The following HEMGN variants were observed in gnomAD, a reference collection of about 807,000 sequenced individuals.
The protein encoded by HEMGN is erythroid differentiation-associated gene protein.
In HEMGN, 32 loss-of-function variants were observed where a neutral mutation model predicts 45.7. That is an observed-to-expected ratio of 0.70 (90% confidence interval 0.53 to 0.94). The LOEUF is 0.94. Among genes scored for constraint, HEMGN ranks in the 40% least tolerant of loss-of-function variants. The pLI is 0.00. For missense variants in HEMGN, 530 were observed against 564.2 expected (o/e 0.94, Z 0.61); for synonymous variants, 183 against 178.6 (o/e 1.02, Z -0.20).
upstream of HEMGN, among the ~76,000 whole-genome samples, chr9:97,942,277 T>C (rs112484339): frequency 0.024 from 1,935 of 78,992 alleles, 34 homozygotes; most frequent in African/African-American, 0.06. Flanking sequence ...ATTCCTTCTT[T>C]TTTTTTTTTT....
At chr9:97,939,525 G>GTTTTTTT (rs1827120590), upstream of HEMGN, among the ~76,000 whole-genome samples, 1 of 152,128 alleles carries the variant, frequency 6.6e-6, no homozygotes, top group African/African-American at 2.4e-5. Context: ...TCTAGTCCCT[G>GTTTTTTT]CCTATTTTGT....
At chr9:97,938,417 C>T (rs145749380), upstream of HEMGN, 3 of 312,242 alleles carry the variant, frequency 9.6e-6, no homozygotes, top group Admixed American at 4.8e-5. Flanking sequence ...CTGACCACAG[C>T]CTGGCATGGC....
intron 2 of HEMGN, among the ~76,000 whole-genome samples, chr9:97,933,559 G>A (rs1564122178): frequency 6.6e-6 from 1 of 152,160 alleles, no homozygotes; most frequent in Non-Finnish European, 1.5e-5. Flanking sequence ...GGGTAGTGAA[G>A]TAATACACAC....
intron 1 of HEMGN, among the ~76,000 whole-genome samples, chr9:97,943,736 A>G (rs1223671383): frequency 4.6e-5 from 7 of 152,124 alleles, no homozygotes; most frequent in Admixed American, 3.3e-4. Context: ...CTAGTAATAT[A>G]TTCTCAGTGT....
At chr9:97,934,392 A>AGGAGAGGAG (rs1827015429) in intron 2 of HEMGN, among the ~76,000 whole-genome samples, 1 of 128,806 alleles carries the variant, frequency 7.8e-6, no homozygotes, top group African/African-American at 2.8e-5. Context: ...GAAAAAAGAA[A>AGGAGAGGAG]AGGAGAGGAG....
upstream of HEMGN, chr9:97,938,402 ACTCT>A (rs773336484): frequency 9.4e-6 from 3 of 319,296 alleles, no homozygotes; most frequent in Non-Finnish European, 1.7e-5. Flanking sequence ...ATACAGGGAA[ACTCT>A]CTGACCACAG....
intron 3 of HEMGN, among the ~76,000 whole-genome samples, chr9:97,929,335 C>A (rs1278248298): frequency 6.6e-6 from 1 of 152,194 alleles, no homozygotes; most frequent in Non-Finnish European, 1.5e-5. Flanking sequence ...AGCAAGTAAA[C>A]TACTAAAGGG....
chr9:97,943,520 T>TA (rs1827181130), intron 1 of HEMGN, among the ~76,000 whole-genome samples: 2 of 152,226 alleles, frequency 1.3e-5, no homozygotes, highest in Admixed American at 6.5e-5. Flanking sequence ...GTTCTATAAC[T>TA]TAGAATGGCT....
At chr9:97,943,255 A>G (rs1481543089) in intron 1 of HEMGN, among the ~76,000 whole-genome samples, 2 of 152,206 alleles carry the variant, frequency 1.3e-5, no homozygotes, top group Non-Finnish European at 2.9e-5. Flanking sequence ...CACCTGGGCA[A>G]TTTCCTAAAA....
Position 97,930,049 on chromosome 9 carries a change from T to G in HEMGN, c.1346A>C (p.Tyr449Ser). ...ACAGCCCTTACCTTGAGGAAAAGTA[T>G]AAGCATCTTTAGCATCTTCCTGGTG... ...KAHQEDAKDAYTFPQEMKEKP... is the reference protein window; with the variant it reads ...KAHQEDAKDASTFPQEMKEKP... The change falls in exon 3 of 4, where the codon TAT (tyrosine) becomes TCT (serine). Residue 449 changes from tyrosine (Y) to serine (S), a missense_variant. Tyr to Ser is a moderately radical substitution (Grantham distance 144). Transcript: ENST00000616898. The G allele has an allele frequency of 3.1e-6, 5 of 1,613,508 alleles. No homozygotes were observed. Among genetic ancestry groups the G allele is most frequent in the Non-Finnish European group, 4.2e-6 (5 of 1,179,808 alleles).
chr9:97,944,376 CACTTT>C (rs1401478738), intron 1 of HEMGN, among the ~76,000 whole-genome samples: 1 of 152,206 alleles, frequency 6.6e-6, no homozygotes, highest in African/African-American at 2.4e-5. Flanking sequence ...TCTGCCTCTT[CACTTT>C]GTCTCTCACA....
Position 97,930,421 on chromosome 9 carries a change from G to A in HEMGN, c.974C>T (p.Pro325Leu). 3 of 1,614,110 alleles carry A rather than the reference G, an allele frequency of 1.9e-6. No individual in the cohort carries two copies. The highest frequency in any genetic ancestry group is 2.5e-6 in the Non-Finnish European group (3 of 1,180,004). ...AATAATTTCGTTACATGTTTTATGA[G>A]GAAGGTATTTAGGTTCAGCTGATTC... is the stretch of plus-strand genomic sequence containing the variant. ...HQESAEPKYL[P>L]HKTCNEIIVP... The change falls in exon 3 of 4, where the codon CCT (proline) becomes CTT (leucine). Residue 325 changes from proline (P) to leucine (L), a missense_variant. Pro to Leu is a moderately conservative substitution (Grantham distance 98). Transcript: ENST00000616898.
chr9:97,932,257 AGT>A lies in HEMGN; in HGVS notation c.174-1038_174-1037del, dbSNP rs1218097171. 3.9e-5 allele frequency among the ~76,000 whole-genome samples: 6 copies of A among 152,162 alleles called. No homozygotes were observed. The South Asian group carries it at 1.2e-3, about 31-fold the overall frequency. On this transcript the variant is annotated intron_variant, in intron 2 of 3. Coordinates refer to ENST00000616898, the MANE Select transcript of HEMGN (RefSeq NM_197978.3). ...TAGACAGTCTTTGGAGATAAAAACCAGTGTTTTTTACATCTTTATAGTGCCCA... is the reference window on the plus strand; with the variant it reads ...TAGACAGTCTTTGGAGATAAAAACCAGTTTTTTACATCTTTATAGTGCCCA...
rs145386159 is a variant in HEMGN, at chr9:97,931,088, G to A, written c.307C>T (p.Pro103Ser). ...EKEIVEKALA[P>S]IEKKTEPPGS... is the part of the protein sequence containing the mutation. The stretch of plus-strand genomic sequence containing the variant: ...GGTGGCTCAGTTTTTTTCTCTATAG[G>A]TGCCAGTGCTTTCTCCACTATTTCC... The change falls in exon 3 of 4, where the codon CCT becomes TCT. Residue 103 changes from proline (P) to serine (S), a missense_variant. Transcript: ENST00000616898. The A allele has an allele frequency of 4.3e-6, 7 of 1,613,896 alleles. No individual in the cohort carries two copies. Among genetic ancestry groups the A allele is most frequent in the Non-Finnish European group, 5.9e-6 (7 of 1,180,018 alleles).
At chr9:97,933,156 T>A (rs574978776) in intron 2 of HEMGN, among the ~76,000 whole-genome samples, 2 of 152,322 alleles carry the variant, frequency 1.3e-5, no homozygotes, top group South Asian at 2.1e-4. Context: ...ATGCCTTGGT[T>A]TCCTTGTAAG....
chr9:97,938,769 A>G (rs1335367801), upstream of HEMGN, among the ~76,000 whole-genome samples: 1 of 152,156 alleles, frequency 6.6e-6, no homozygotes, highest in Non-Finnish European at 1.5e-5. Context: ...TTTGCTGTGT[A>G]TGCTGTTAGA....
chr9:97,929,810 A>G (rs1826906347), intron 3 of HEMGN, among the ~76,000 whole-genome samples: 1 of 152,264 alleles, frequency 6.6e-6, no homozygotes, highest in Non-Finnish European at 1.5e-5. Context: ...GATGGATAGT[A>G]TGAATAAGTA....
upstream of HEMGN, among the ~76,000 whole-genome samples, chr9:97,939,723 T>C (rs551150400): frequency 6.9e-4 from 105 of 152,268 alleles, no homozygotes; most frequent in African/African-American, 2.4e-3. Context: ...CACTAAAGGG[T>C]ATCGAGAATG....
intron 2 of HEMGN, among the ~76,000 whole-genome samples, chr9:97,934,360 G>C (rs1271732211): frequency 6.8e-6 from 1 of 147,288 alleles, no homozygotes; most frequent in Non-Finnish European, 1.5e-5. Flanking sequence ...ACGAGTGAAT[G>C]AATGAATGAA....
Sources: allele counts gnomAD v4.1 joint callset (sites outside exome capture counted in the v4.1 genomes callset), GRCh38; gene constraint gnomAD v4.1.1; transcripts MANE v1.5; gene names NCBI Gene and HGNC (gene_info 2026-07-23, HGNC 2026-07-21).